The following ADAMTSL1 variants were observed in gnomAD, a reference collection of about 807,000 sequenced individuals.
The protein encoded by ADAMTSL1 is ADAMTS-like protein 1.
Under a neutral mutation model 201.8 loss-of-function variants are expected in ADAMTSL1, and 126 were observed. That is an observed-to-expected ratio of 0.62 (90% CI 0.54 to 0.72). The LOEUF is 0.72. Ranked by LOEUF, ADAMTSL1 falls within the 30% of genes least tolerant of loss-of-function variation. The pLI, the probability that ADAMTSL1 is intolerant of heterozygous loss-of-function variation, is 0.00. For missense variants in ADAMTSL1, 2,679 were observed against 2,277.8 expected (o/e 1.18, Z -3.59); for synonymous variants, 1,121 against 903.4 (o/e 1.24, Z -4.32).
At chr9:18,786,623 TG>T (rs1209566445) in intron 19 of ADAMTSL1, among the ~76,000 whole-genome samples, 1 of 152,176 alleles carries the variant, frequency 6.6e-6, no homozygotes, top group African/African-American at 2.4e-5. Flanking sequence ...CATTTAGACA[TG>T]GGGCCATTGT....
intron 14 of ADAMTSL1, among the ~76,000 whole-genome samples, chr9:18,711,322 C>G (rs1443398390): frequency 6.6e-6 from 1 of 152,168 alleles, no homozygotes; most frequent in African/African-American, 2.4e-5. Flanking sequence ...TTCTGCATTT[C>G]CATCTGAGGT....
At chr9:18,169,914 T>A (rs1248222098) in intron 2 of ADAMTSL1, among the ~76,000 whole-genome samples, 5 of 152,034 alleles carry the variant, frequency 3.3e-5, no homozygotes, top group African/African-American at 1.2e-4. Context: ...AATCTTTGGT[T>A]TTTTGGAATG....
chr9:18,137,125 A>G (rs1826191439), intron 1 of ADAMTSL1, among the ~76,000 whole-genome samples: 1 of 152,174 alleles, frequency 6.6e-6, no homozygotes, highest in African/African-American at 2.4e-5. Flanking sequence ...TGAAATCGGA[A>G]TTTCTGGACT....
At chr9:18,572,708 G>A (rs1219321739) in intron 3 of ADAMTSL1, among the ~76,000 whole-genome samples, 1 of 152,008 alleles carries the variant, frequency 6.6e-6, no homozygotes, top group Non-Finnish European at 1.5e-5. Flanking sequence ...CTAATGTTTT[G>A]GAAAAGAGTC....
intron 1 of ADAMTSL1, among the ~76,000 whole-genome samples, chr9:17,972,113 G>T (rs1478307467): frequency 6.6e-6 from 1 of 151,390 alleles, no homozygotes; most frequent in African/African-American, 2.4e-5. Flanking sequence ...TTGTGTGTTT[G>T]TGGTGAGAAC....
intron 2 of ADAMTSL1, among the ~76,000 whole-genome samples, chr9:18,453,936 T>C (rs1820509612): frequency 6.6e-6 from 1 of 152,190 alleles, no homozygotes; most frequent in Non-Finnish European, 1.5e-5. Flanking sequence ...ATTATCTTCC[T>C]CTAGAACCAC....
At chr9:18,815,711 C>CAAAAAAAAA (rs35926602) in intron 20 of ADAMTSL1, among the ~76,000 whole-genome samples, 1 of 67,960 alleles carries the variant, frequency 1.5e-5, no homozygotes, top group Admixed American at 2.0e-4. Flanking sequence ...AACCCTGTCT[C>CAAAAAAAAA]AAAAAAAAAA....
In ADAMTSL1 at chr9:17,945,855, T is replaced by C. The variant is rs530669752; in HGVS notation, c.87+38933T>C. Among the ~76,000 whole-genome samples the C allele has an allele frequency of 7.6e-3, 1,118 of 147,400 alleles. 4 individuals carry two copies. The highest frequency in any genetic ancestry group is 0.012 in the Non-Finnish European group (806 of 66,642). On this transcript the variant is annotated intron_variant, in intron 1 of 29. Coordinates refer to the ADAMTSL1 transcript ENST00000680146. The stretch of plus-strand genomic sequence containing the variant: ...GGGGGAGGGATAGCTTTAGGAGATA[T>C]ACCTAATGCTAAATGACGAGTTAAT...
intron 15 of ADAMTSL1, among the ~76,000 whole-genome samples, chr9:18,747,160 GGCAT>G (rs1819194539): frequency 6.6e-6 from 1 of 152,078 alleles, no homozygotes; most frequent in African/African-American, 2.4e-5. Context: ...ATAATAATTA[GGCAT>G]GCAGGAGCCA....
At chr9:18,861,354 G>C (rs1391517449) in intron 23 of ADAMTSL1, among the ~76,000 whole-genome samples, 3 of 152,186 alleles carry the variant, frequency 2.0e-5, no homozygotes, top group African/African-American at 4.8e-5. Flanking sequence ...TGAATCCCAG[G>C]TTGCCTAAGG....
intron 2 of ADAMTSL1, among the ~76,000 whole-genome samples, chr9:18,387,853 A>G (rs1026314058): frequency 6.6e-6 from 1 of 152,134 alleles, no homozygotes; most frequent in Admixed American, 6.6e-5. Flanking sequence ...TGTTTTATCT[A>G]TCTATCGAAT....
chr9:17,960,134 C>T (rs773770678), intron 1 of ADAMTSL1, among the ~76,000 whole-genome samples: 9 of 152,148 alleles, frequency 5.9e-5, no homozygotes, highest in African/African-American at 1.2e-4. Context: ...TTTCAACACA[C>T]GGTTCCATGT....
intron 20 of ADAMTSL1, among the ~76,000 whole-genome samples, chr9:18,795,974 G>A (rs1232652641): frequency 1.3e-5 from 2 of 152,274 alleles, no homozygotes; most frequent in Middle Eastern, 3.4e-3. Context: ...GCTTGAAGCA[G>A]GAGTGTTCCC....
chr9:17,932,088 G>A (rs1468168426), intron 1 of ADAMTSL1, among the ~76,000 whole-genome samples: 2 of 152,194 alleles, frequency 1.3e-5, no homozygotes, highest in African/African-American at 4.8e-5. Context: ...TTTCCTGCCA[G>A]ATTTTGTTGT....
At chr9:18,821,191 T>C (rs1187909587) in intron 21 of ADAMTSL1, among the ~76,000 whole-genome samples, 2 of 152,162 alleles carry the variant, frequency 1.3e-5, no homozygotes, top group African/African-American at 4.8e-5. Flanking sequence ...TAGGATAGAT[T>C]AGACTCTGGT....
chr9:18,539,385 C>T (rs1037299187), intron 3 of ADAMTSL1, among the ~76,000 whole-genome samples: 1 of 152,180 alleles, frequency 6.6e-6, no homozygotes, highest in Non-Finnish European at 1.5e-5. Flanking sequence ...GAACAAAGTG[C>T]TAAGTCATGG....
At position 18,721,424 on chromosome 9, in the gene ADAMTSL1, G is replaced by A. The variant is rs117037740; in HGVS notation, c.1877-112G>A. 8.0e-3 allele frequency: 11,388 copies of A among 1,428,436 alleles called. 67 individuals are homozygous for A. The highest frequency in any genetic ancestry group is 9.7e-3 in the Non-Finnish European group (10,222 of 1,055,130). The allele number at this position is 1,428,436 out of a possible 1,614,324, so 88.5% of individuals were successfully genotyped here. On this transcript the variant is annotated intron_variant, in intron 14 of 28. Coordinates refer to ENST00000380548, the MANE Select transcript of ADAMTSL1 (RefSeq NM_001040272.6). ...TAAACTGCCATCTCTGACATACAGC[G>A]AGAGTCCTACAGAACACAGGGACCT...
intron 2 of ADAMTSL1, among the ~76,000 whole-genome samples, chr9:18,383,969 G>C (rs1048629322): frequency 1.3e-5 from 2 of 152,110 alleles, no homozygotes; most frequent in African/African-American, 4.8e-5. Flanking sequence ...CAGGCTGCCA[G>C]GTAATGGTGA....
chr9:17,978,378 T>G (rs1192632228), intron 1 of ADAMTSL1, among the ~76,000 whole-genome samples: 1 of 152,080 alleles, frequency 6.6e-6, no homozygotes, highest in Non-Finnish European at 1.5e-5. Flanking sequence ...TTTTTTCCTT[T>G]TTTGCTGTCT....
Sources: gnomAD v4.1 joint callset for allele counts (sites outside exome capture counted in the v4.1 genomes callset) on GRCh38, gnomAD v4.1.1 for gene constraint, MANE v1.5 for transcripts, NCBI Gene and HGNC (gene_info 2026-07-23, HGNC 2026-07-21) for gene names.